The following PRMT9 variants were observed in gnomAD, a reference collection of about 807,000 sequenced individuals.
The protein encoded by PRMT9 is protein arginine methyltransferase 9.
In PRMT9, 59 loss-of-function variants were observed where a neutral mutation model predicts 83.2. The observed-to-expected ratio is 0.71, with a 90% confidence interval of 0.57 to 0.88. The LOEUF is 0.88. Among genes scored for constraint, PRMT9 ranks in the 40% least tolerant of loss-of-function variants. The pLI is 0.00. For synonymous variants in PRMT9, 333 were observed against 353.2 expected (o/e 0.94, Z 0.64); for missense variants, 947 against 1,021.9 (o/e 0.93, Z 1.00).
At chr4:147,652,401 G>A (rs1224109993) in intron 9 of PRMT9, among the ~76,000 whole-genome samples, 1 of 151,636 alleles carries the variant, frequency 6.6e-6, no homozygotes, top group African/African-American at 2.4e-5. Context: ...TCAATTAGCT[G>A]AGATCACGCC....
chr4:147,653,453 A>ATATATAT (rs57881191), intron 9 of PRMT9, among the ~76,000 whole-genome samples: 2 of 148,568 alleles, frequency 1.3e-5, no homozygotes, highest in African/African-American at 5.0e-5. Context: ...AAAAAAAAAA[A>ATATATAT]ATATATATAT....
intron 10 of PRMT9, among the ~76,000 whole-genome samples, chr4:147,641,473 A>G (rs542903479): frequency 6.6e-6 from 1 of 152,188 alleles, no homozygotes; most frequent in South Asian, 2.1e-4. Flanking sequence ...TCCTTTCCTT[A>G]GGTGTAACCT....
At chr4:147,672,526 A>T (rs879862960) in intron 4 of PRMT9, among the ~76,000 whole-genome samples, 1 of 152,186 alleles carries the variant, frequency 6.6e-6, no homozygotes, top group Non-Finnish European at 1.5e-5. Flanking sequence ...GCCCATGCCA[A>T]AATATACTGA....
chr4:147,653,170 G>A (rs747353133), intron 9 of PRMT9, among the ~76,000 whole-genome samples: 8 of 152,154 alleles, frequency 5.3e-5, no homozygotes, highest in African/African-American at 9.6e-5. Context: ...GGTTTCAGCC[G>A]GGCATGGTGG....
rs551533903 is a variant in PRMT9, at chr4:147,665,076, G to A, written c.953+3463C>T. 7.0e-5 allele frequency among the ~76,000 whole-genome samples: 10 copies of A among 143,798 alleles called. No individual in the cohort carries two copies. The South Asian group carries it at 1.5e-3, about 22-fold the overall frequency. The allele number at this position is 143,798 out of a possible 152,430, so 94.3% of individuals were successfully genotyped here. A position where few individuals can be genotyped will look rare whatever the true frequency, so the allele number is the denominator to read the frequency against. ...GTGGAGGTTGCAGTGAGCCAAGATCGCGCCACTGCATTCCAGCCTGGGAAA... is the reference window on the plus strand; with the variant it reads ...GTGGAGGTTGCAGTGAGCCAAGATCACGCCACTGCATTCCAGCCTGGGAAA... On this transcript the variant is annotated intron_variant, in intron 6 of 11. Transcript: ENST00000322396.
intron 8 of PRMT9, among the ~76,000 whole-genome samples, 169 bp from the exon 9 acceptor site, chr4:147,654,735 T>C (rs1734368234): frequency 6.6e-6 from 1 of 152,136 alleles, no homozygotes; most frequent in Admixed American, 6.5e-5. Flanking sequence ...CAGATTTACT[T>C]AGGGAAAAAC....
At chr4:147,670,210 G>A (rs962913259) in intron 5 of PRMT9, among the ~76,000 whole-genome samples, 5 of 151,970 alleles carry the variant, frequency 3.3e-5, no homozygotes, top group East Asian at 1.9e-4. Flanking sequence ...ACGGAGTTTC[G>A]CTCTTGTTGC....
chr4:147,674,641 T>C (rs1735948347), intron 2 of PRMT9, among the ~76,000 whole-genome samples: 1 of 152,228 alleles, frequency 6.6e-6, no homozygotes, highest in South Asian at 2.1e-4. Flanking sequence ...CCTCCCTTTC[T>C]TAAACATCTA....
chr4:147,656,005 C>CT (rs1449639855), intron 8 of PRMT9, among the ~76,000 whole-genome samples: 1 of 152,138 alleles, frequency 6.6e-6, no homozygotes, highest in Non-Finnish European at 1.5e-5. Context: ...CCCACTATCT[C>CT]TAAGAATCCC....
rs1375329651 is a variant in PRMT9, at chr4:147,639,058, G to A, written c.2224C>T (p.Leu742=). ...FQVPIRVFLD[L]SSLPCIPLSK... ...AAAGGTATACAGGGCAATGAGGATAGGTCCAAAAATACACGTATAGGTACC... is the reference window on the plus strand; with the variant it reads ...AAAGGTATACAGGGCAATGAGGATAAGTCCAAAAATACACGTATAGGTACC... Residue 742 remains leucine, a synonymous_variant, in exon 11 of 12, where the codon CTA becomes TTA. Coordinates refer to ENST00000322396, the MANE Select transcript of PRMT9 (RefSeq NM_138364.4). 6.2e-7 allele frequency: 1 copy of A among 1,613,182 alleles called. No individual in the cohort carries two copies. The highest frequency in any genetic ancestry group is 8.5e-7 in the Non-Finnish European group (1 of 1,179,440).
At chr4:147,677,445 ATTTTTTTTTTTT>A (rs11321232) in intron 2 of PRMT9, among the ~76,000 whole-genome samples, 1 of 70,778 alleles carries the variant, frequency 1.4e-5, no homozygotes, top group African/African-American at 4.9e-5. Context: ...GACAGGTAGA[ATTTTTTTTTTTT>A]TTTTTTTTTT....
At chr4:147,661,789 C>CAAAAAAAAAA in intron 6 of PRMT9, among the ~76,000 whole-genome samples, 1 of 60,230 alleles carries the variant, frequency 1.7e-5, no homozygotes, top group Admixed American at 2.4e-4. Flanking sequence ...GACTCCATCT[C>CAAAAAAAAAA]AAAAAAAAAA....
rs775041237 is a variant in PRMT9, at chr4:147,654,052, A to G, written c.1845T>C (p.His615=). The part of the protein sequence containing the change: ...KPYSSVEKDQ[H]RIALDLISEA... Reference sequence around the variant, plus strand: ...CAGATATGAGGTCCAGAGCAATACGATGCTGGTCTTTCTCCACAGAACTGT... The same window carrying G: ...CAGATATGAGGTCCAGAGCAATACGGTGCTGGTCTTTCTCCACAGAACTGT... Residue 615 remains histidine (H), a synonymous_variant, in exon 9 of 12, where the codon CAT becomes CAC. Coordinates refer to ENST00000322396, the MANE Select transcript of PRMT9 (RefSeq NM_138364.4). The G allele has an allele frequency of 6.2e-7, 1 of 1,614,256 alleles. No individual in the cohort carries two copies. The highest frequency in any genetic ancestry group is 8.5e-7 in the Non-Finnish European group (1 of 1,180,044).
At chr4:147,647,679 T>C (rs749557130) in intron 9 of PRMT9, among the ~76,000 whole-genome samples, 10 of 152,038 alleles carry the variant, frequency 6.6e-5, no homozygotes, top group Non-Finnish European at 1.5e-4. Context: ...CACATCACCA[T>C]TCCCAGCTAA....
At chr4:147,645,040 AG>A (rs1222746051) in intron 9 of PRMT9, among the ~76,000 whole-genome samples, 6 of 152,236 alleles carry the variant, frequency 3.9e-5, no homozygotes, top group Non-Finnish European at 8.8e-5. Context: ...TTTACTCCTA[AG>A]TTAAATAGAG....
chr4:147,657,940 C>T lies in PRMT9; in HGVS notation c.1182G>A (p.Lys394=), dbSNP rs1240066674. Reference sequence around the variant, plus strand: ...CTTCTTTAATAACAGGAATACCAATCTTATCAGGCTTTTTAGTTGCAAGAC... The same window carrying T: ...CTTCTTTAATAACAGGAATACCAATTTTATCAGGCTTTTTAGTTGCAAGAC... ...LKSLATKKPD[K]IGIPVIKEGI... The change falls in exon 8 of 12, where the codon AAG becomes AAA. Residue 394 remains lysine (K), a synonymous_variant. Coordinates refer to ENST00000322396, the MANE Select transcript of PRMT9 (RefSeq NM_138364.4). 3.1e-6 allele frequency: 5 copies of T among 1,606,804 alleles called. No homozygotes were observed. The highest frequency in any genetic ancestry group is 4.2e-6 in the Non-Finnish European group (5 of 1,177,034).
intron 7 of PRMT9, among the ~76,000 whole-genome samples, chr4:147,660,479 A>T (rs1311707507): frequency 1.3e-5 from 2 of 152,048 alleles, no homozygotes; most frequent in Non-Finnish European, 2.9e-5. Flanking sequence ...AAAATATAAA[A>T]ATTAGCCGGG....
intron 9 of PRMT9, among the ~76,000 whole-genome samples, chr4:147,650,597 A>G (rs1378140768): frequency 1.3e-5 from 2 of 152,246 alleles, no homozygotes; most frequent in Non-Finnish European, 2.9e-5. Context: ...ATCCATATCA[A>G]AACCCCAAGA....
At chr4:147,680,695 A>G (rs1736406125) in intron 1 of PRMT9, among the ~76,000 whole-genome samples, 1 of 152,176 alleles carries the variant, frequency 6.6e-6, no homozygotes, top group South Asian at 2.1e-4. Flanking sequence ...ACCACTCTCT[A>G]AACTCCCCCC....
Sources: allele counts gnomAD v4.1 joint callset (sites outside exome capture counted in the v4.1 genomes callset), GRCh38; gene constraint gnomAD v4.1.1; transcripts MANE v1.5; gene names NCBI Gene and HGNC (gene_info 2026-07-23, HGNC 2026-07-21).